The following TECPR2 variants were observed in gnomAD, a reference collection of about 807,000 sequenced individuals.
The protein encoded by TECPR2 is tectonin beta-propeller repeat containing 2.
Under a neutral mutation model 138.1 loss-of-function variants are expected in TECPR2, and 65 were observed. The observed-to-expected ratio is 0.47, with a 90% CI of 0.39 to 0.58. The LOEUF is 0.58. TECPR2 is among the 20% of genes least tolerant of loss of function. The probability of loss-of-function intolerance (pLI) is 0.00; values close to 1 mark genes in which losing one functional copy is unlikely to be tolerated. For synonymous variants in TECPR2, 746 were observed against 749.8 expected, an observed-to-expected ratio of 0.99 and a Z score of 0.08; for missense variants, 1,553 against 1,824.5, an observed-to-expected ratio of 0.85 and a Z score of 2.71.
At chr14:102,434,165 G>A (rs781607769) in intron 8 of TECPR2, 70 bp from the exon 9 acceptor site, 502 of 1,308,430 alleles carry the variant, frequency 3.8e-4, no homozygotes, top group Non-Finnish European at 4.4e-4. Context: ...CCAAAAATAT[G>A]TGTGCAAGTT....
At chr14:102,482,321 G>T (rs748924913) in intron 17 of TECPR2, among the ~76,000 whole-genome samples, 3 of 152,196 alleles carry the variant, frequency 2.0e-5, no homozygotes, top group Non-Finnish European at 4.4e-5. Flanking sequence ...CTCCCAAAGT[G>T]CTGGGATTAC....
rs1383569987 is a variant in TECPR2, at chr14:102,465,259, A to G, written c.3759A>G (p.Pro1253=). Residue 1253 remains proline, a synonymous_variant, in exon 17 of 20, where the codon CCA becomes CCG. Transcript: ENST00000359520. ...CTCTCAATCCCAGTCTCATGCTTCCAGCCTGGATAATGATTGAGCCACCTG... is the reference window on the plus strand; with the variant it reads ...CTCTCAATCCCAGTCTCATGCTTCCGGCCTGGATAATGATTGAGCCACCTG... ...TQPLNPSLML[P]AWIMIEPPVQ... is the part of the protein sequence containing the mutation. 1.9e-6 allele frequency: 3 copies of G among 1,614,022 alleles called. No individual in the cohort carries two copies. The highest frequency in any genetic ancestry group is 2.5e-6 in the Non-Finnish European group (3 of 1,179,984).
chr14:102,385,433 A>G (rs1887970321), intron 2 of TECPR2, among the ~76,000 whole-genome samples: 1 of 152,184 alleles, frequency 6.6e-6, no homozygotes, highest in Non-Finnish European at 1.5e-5. Context: ...ACCATAGCAG[A>G]TATGATAAGT....
At chr14:102,365,838 G>C (rs1246639907) in intron 1 of TECPR2, among the ~76,000 whole-genome samples, 3 of 152,190 alleles carry the variant, frequency 2.0e-5, no homozygotes, top group East Asian at 3.8e-4. Context: ...CCATGCTTGT[G>C]TTAGGCTTTA....
intron 1 of TECPR2, among the ~76,000 whole-genome samples, chr14:102,371,473 A>T (rs1887507195): frequency 1.3e-5 from 2 of 152,170 alleles, no homozygotes; most frequent in Admixed American, 1.3e-4. Context: ...TGCTAAGCTC[A>T]TCCAGAGGCC....
intron 16 of TECPR2, among the ~76,000 whole-genome samples, chr14:102,458,966 C>CACATATATATAT (rs1260702159): frequency 6.5e-5 from 9 of 138,368 alleles, no homozygotes; most frequent in African/African-American, 2.4e-4. Flanking sequence ...AAAATACACA[C>CACATATATATAT]ATATATATAT....
At chr14:102,394,334 G>A (rs988969281) in intron 2 of TECPR2, among the ~76,000 whole-genome samples, 1 of 152,128 alleles carries the variant, frequency 6.6e-6, no homozygotes, top group South Asian at 2.1e-4. Flanking sequence ...TACCAGGCAC[G>A]GTGGCTCACA....
intron 17 of TECPR2, among the ~76,000 whole-genome samples, chr14:102,494,764 C>T (rs1410229551): frequency 2.7e-5 from 4 of 148,082 alleles, no homozygotes; most frequent in African/African-American, 5.0e-5. Flanking sequence ...GCGGAGGTTG[C>T]GGTGAGCCAA....
At chr14:102,408,357 G>A (rs752120368) in intron 3 of TECPR2, 131 bp from the exon 4 acceptor site, 5 of 1,003,512 alleles carry the variant, frequency 5.0e-6, no homozygotes, top group Non-Finnish European at 7.1e-6. Flanking sequence ...GCAGGGTTCT[G>A]CTTGGAAAAC....
Position 102,376,671 on chromosome 14 carries a change from C to A in TECPR2, c.-51C>A. 2 of 1,559,270 alleles carry A rather than the reference C, an allele frequency of 1.3e-6. No individual in the cohort carries two copies. Among genetic ancestry groups the A allele is most frequent in the Non-Finnish European group, 1.8e-6 (2 of 1,132,488 alleles). ...GTAGCCCCCAGGTTTCCCTAGATGA[C>A]AAATAAACATTCCTTTTCCTGCGTG... On this transcript the variant is annotated 5_prime_UTR_variant, in exon 2 of 20. Coordinates refer to ENST00000359520, the MANE Select transcript of TECPR2 (RefSeq NM_014844.5).
At chr14:102,404,061 C>CTT (rs759501601) in intron 2 of TECPR2, among the ~76,000 whole-genome samples, 3 of 140,848 alleles carry the variant, frequency 2.1e-5, no homozygotes, top group Non-Finnish European at 1.6e-5. Flanking sequence ...CTATGCCCGG[C>CTT]TTTTTTTTTT....
chr14:102,466,619 G>A (rs969991207), intron 17 of TECPR2, among the ~76,000 whole-genome samples: 7 of 152,154 alleles, frequency 4.6e-5, no homozygotes, highest in East Asian at 1.9e-4. Context: ...CTGTCAATAC[G>A]TTCCTTTTTT....
intron 16 of TECPR2, among the ~76,000 whole-genome samples, chr14:102,460,586 C>G (rs1054007112): frequency 6.6e-6 from 1 of 151,186 alleles, no homozygotes; most frequent in Non-Finnish European, 1.5e-5. Flanking sequence ...TACACTCCAG[C>G]CTGGGTGACA....
intron 10 of TECPR2, 26 bp downstream of exon 10, chr14:102,438,231 GCTCC>G: frequency 6.3e-7 from 1 of 1,580,708 alleles, no homozygotes; most frequent in Non-Finnish European, 8.6e-7. Flanking sequence ...CCCTGCTCCC[GCTCC>G]CTGCTCCCGC....
chr14:102,443,979 C>G lies in TECPR2; in HGVS notation c.2933+152C>G. 2.6e-6 allele frequency: 2 copies of G among 763,914 alleles called. No individual in the cohort carries two copies. The highest frequency in any genetic ancestry group is 4.2e-4 in the Middle Eastern group (1 of 2,364). The allele number at this position is 763,914 out of a possible 1,614,324, so 47.3% of individuals were successfully genotyped here. A position where few individuals can be genotyped will look rare whatever the true frequency, so the allele number is the denominator to read the frequency against. The stretch of plus-strand genomic sequence containing the variant: ...GCTAAGCTTGAATCTCTGCCTAATT[C>G]TGACCGGCAAACTGGACGTTGAGTC... On this transcript the variant is annotated intron_variant, in intron 12 of 19. Transcript: ENST00000359520. The surrounding 1 kb of genome is among the most constrained non-coding windows in gnomAD (Gnocchi z 4.9).
At chr14:102,464,441 G>A (rs183793986) in intron 16 of TECPR2, among the ~76,000 whole-genome samples, 4 of 152,018 alleles carry the variant, frequency 2.6e-5, no homozygotes, top group Non-Finnish European at 5.9e-5. Context: ...TGCCCAGGCT[G>A]GAGTGCAGTG....
Position 102,425,291 on chromosome 14 carries a change from G to GA in TECPR2, c.951_951+1insA (p.Ala318SerfsTer11). 6.3e-7 allele frequency: 1 copy of GA among 1,574,868 alleles called. No individual in the cohort carries two copies. The highest frequency in any genetic ancestry group is 1.2e-5 in the South Asian group (1 of 85,166). On this transcript the variant is annotated frameshift_variant and splice_region_variant. Coordinates refer to ENST00000359520, the MANE Select transcript of TECPR2 (RefSeq NM_014844.5). LOFTEE classifies it high-confidence loss of function. ...TCTATCTCCTAGACACAGTCAACCAGGTAAGTGAAGGGACGCCACCATATC... is the reference window on the plus strand; with the variant it reads ...TCTATCTCCTAGACACAGTCAACCAGAGTAAGTGAAGGGACGCCACCATATC...
In TECPR2 at chr14:102,415,171, T is replaced by C. The variant is rs547488659; in HGVS notation, c.638+378T>C. On this transcript the variant is annotated intron_variant, in intron 5 of 19. Coordinates refer to ENST00000359520, the MANE Select transcript of TECPR2 (RefSeq NM_014844.5). This position sits in a 1 kb window ranked among gnomAD's most constrained non-coding sequence, Gnocchi z 4.3. ...GGCTCACTCGTTATTCAGCACGTGT[T>C]TACCATGCACCCCTGTGCACTGTGG... Among the ~76,000 whole-genome samples the C allele has an allele frequency of 7.2e-5, 11 of 152,292 alleles. No individual in the cohort carries two copies. Among genetic ancestry groups the C allele is most frequent in the African/African-American group, 2.4e-4 (10 of 41,568 alleles).
At chr14:102,401,678 G>A (rs926115764) in intron 2 of TECPR2, among the ~76,000 whole-genome samples, 1 of 151,602 alleles carries the variant, frequency 6.6e-6, no homozygotes, top group Non-Finnish European at 1.5e-5. Flanking sequence ...GGTGGTGGGT[G>A]CCTGTAGTCC....
Sources: allele counts gnomAD v4.1 joint callset (sites outside exome capture counted in the v4.1 genomes callset), GRCh38; gene constraint gnomAD v4.1.1; non-coding constraint Gnocchi (gnomAD v3.1); transcripts MANE v1.5; gene names NCBI Gene and HGNC (gene_info 2026-07-23, HGNC 2026-07-21).